Variants in DYTN observed in about 807,000 individuals in gnomAD.
DYTN encodes the protein dystrotelin.
Under a neutral mutation model 69.6 loss-of-function variants are expected in DYTN, and 75 were observed. The ratio of observed to expected loss-of-function variants is 1.08; its 90% CI spans 0.89 to 1.31. The LOEUF is 1.31. DYTN is among the 50% of genes most tolerant of loss of function. The pLI is 0.00. For synonymous variants in DYTN, 252 were observed against 249.1 expected (o/e 1.01, Z -0.11); for missense variants, 726 against 688.4 (o/e 1.05, Z -0.61).
At chr2:206,675,145 G>GTGTGTGTA (rs1415225495) in intron 9 of DYTN, among the ~76,000 whole-genome samples, 1 of 120,444 alleles carries the variant, frequency 8.3e-6, no homozygotes, top group African/African-American at 3.4e-5. Context: ...GTGTGTGTGT[G>GTGTGTGTA]TATATATGTG....
At chr2:206,670,103 C>T (rs1489480650) in intron 9 of DYTN, among the ~76,000 whole-genome samples, 1 of 152,174 alleles carries the variant, frequency 6.6e-6, no homozygotes, top group East Asian at 1.9e-4. Flanking sequence ...TTCCATTCAG[C>T]CTAATAAACC....
chr2:206,716,505 C>T (rs74925633), intron 1 of DYTN, among the ~76,000 whole-genome samples: 9,010 of 152,208 alleles, frequency 0.059, 289 homozygotes, highest in African/African-American at 0.073. Flanking sequence ...CTTTCTTTTT[C>T]AAGAGGTACA....
At chr2:206,682,556 G>A (rs1265740689) in intron 9 of DYTN, among the ~76,000 whole-genome samples, 2 of 151,908 alleles carry the variant, frequency 1.3e-5, no homozygotes, top group Non-Finnish European at 2.9e-5. Flanking sequence ...GTGTCACAGG[G>A]CTCAGTCTTT....
intron 11 of DYTN, among the ~76,000 whole-genome samples, chr2:206,654,100 G>A (rs1471365964): frequency 6.6e-6 from 1 of 152,216 alleles, no homozygotes; most frequent in African/African-American, 2.4e-5. Flanking sequence ...TGAATGATGA[G>A]CCAACTACAC....
chr2:206,663,493 A>T, intron 10 of DYTN, 98 bp from the exon 11 acceptor site: 1 of 1,305,944 alleles, frequency 7.7e-7, no homozygotes, highest in South Asian at 1.8e-5. Context: ...ATTCTAATGC[A>T]AGACTTTTCT....
chr2:206,695,702 T>C (rs950255916), intron 7 of DYTN, among the ~76,000 whole-genome samples: 28 of 152,226 alleles, frequency 1.8e-4, no homozygotes, highest in African/African-American at 6.0e-4. Flanking sequence ...TGTTTGTCTA[T>C]AAAATAACAG....
chr2:206,690,836 G>C (rs1023620356), intron 9 of DYTN, among the ~76,000 whole-genome samples: 1 of 152,182 alleles, frequency 6.6e-6, no homozygotes, highest in African/African-American at 2.4e-5. Flanking sequence ...GGGTGGGATA[G>C]ATCTGGCTTA....
At chr2:206,707,546 G>T in intron 2 of DYTN, 43 bp from the exon 3 acceptor site, 1 of 1,548,416 alleles carries the variant, frequency 6.5e-7, no homozygotes, top group South Asian at 1.2e-5. Flanking sequence ...TTTCTGATGG[G>T]AACAAAAGGC....
intron 9 of DYTN, among the ~76,000 whole-genome samples, chr2:206,677,470 T>C (rs1003545354): frequency 5.3e-5 from 8 of 152,028 alleles, no homozygotes; most frequent in African/African-American, 1.2e-4. Flanking sequence ...GGAACCATGA[T>C]AAAAATTAAA....
At chr2:206,692,237 C>T (rs534280869) in intron 9 of DYTN, among the ~76,000 whole-genome samples, 1 of 150,910 alleles carries the variant, frequency 6.6e-6, no homozygotes, top group South Asian at 2.1e-4. Flanking sequence ...TGCACTCCAA[C>T]CTGGGCGACA....
chr2:206,674,593 A>T (rs569235302), intron 9 of DYTN, among the ~76,000 whole-genome samples: 1 of 152,110 alleles, frequency 6.6e-6, no homozygotes, highest in Non-Finnish European at 1.5e-5. Context: ...AGCCATAAAA[A>T]CTCAAATGCT....
In DYTN at chr2:206,654,626, C is replaced by T. The variant is rs943447182; in HGVS notation, c.1634-2705G>A. Among the ~76,000 whole-genome samples, 8 of 152,044 alleles carry T rather than the reference C, an allele frequency of 5.3e-5. No homozygotes were observed. The South Asian group carries it at 8.3e-4, about 16-fold the overall frequency. ...TTTTGGCAGCATGGAGGGTCAGTGC[C>T]CCTAACTTTTACATTGCTCAAGGGT... On this transcript the variant is annotated intron_variant, in intron 11 of 11. Transcript: ENST00000452335.
chr2:206,664,481 A>AC (rs910315420), intron 10 of DYTN, among the ~76,000 whole-genome samples: 17 of 151,656 alleles, frequency 1.1e-4, no homozygotes, highest in Non-Finnish European at 2.2e-4. Context: ...ACATAGTGAG[A>AC]CCCCCTCCCT....
intron 1 of DYTN, among the ~76,000 whole-genome samples, chr2:206,713,913 G>A (rs1377064596): frequency 6.6e-6 from 1 of 152,242 alleles, no homozygotes; most frequent in Non-Finnish European, 1.5e-5. Flanking sequence ...GCAATGAGGA[G>A]TTAGCAGGGT....
chr2:206,684,556 T>A (rs1217127393), intron 9 of DYTN, among the ~76,000 whole-genome samples: 1 of 152,294 alleles, frequency 6.6e-6, no homozygotes, highest in South Asian at 2.1e-4. Context: ...CCTCCTTCAC[T>A]TTGAGAGGCA....
At chr2:206,682,026 G>C (rs111314967) in intron 9 of DYTN, among the ~76,000 whole-genome samples, 13,065 of 152,046 alleles carry the variant, frequency 0.086, 834 homozygotes, top group East Asian at 0.21. Context: ...TTGGTTGGTA[G>C]GCCATTACTT....
intron 5 of DYTN, among the ~76,000 whole-genome samples, chr2:206,703,003 A>G (rs1350579649): frequency 3.3e-5 from 5 of 152,272 alleles, no homozygotes. Context: ...CTGAGAATCC[A>G]TTTCTGAGTC....
In DYTN at chr2:206,663,053, C is replaced by A; in HGVS notation, c.1483G>T (p.Val495Phe). ...GCAGGACTGCTCATTTCAGCAGGAA[C>A]CATTTTGGGGATGTCCTGCTTCAGT... ...EGLKQDIPKM[V>F]PAEMSSPALA... The change falls in exon 11 of 12, where the codon GTT becomes TTT. Residue 495 changes from valine (V) to phenylalanine (F), a missense_variant. By Grantham distance (50) the Val-to-Phe change is conservative. Transcript: ENST00000452335. The A allele has an allele frequency of 1.2e-6, 2 of 1,613,886 alleles. No homozygotes were observed. The highest frequency in any genetic ancestry group is 1.7e-6 in the Non-Finnish European group (2 of 1,179,890).
At chr2:206,703,450 A>G (rs935420921) in intron 5 of DYTN, among the ~76,000 whole-genome samples, 3 of 152,140 alleles carry the variant, frequency 2.0e-5, no homozygotes, top group Admixed American at 6.5e-5. Flanking sequence ...GGTGGGATCT[A>G]TGTGGCTGCT....
Sources: allele counts gnomAD v4.1 joint callset (sites outside exome capture counted in the v4.1 genomes callset), GRCh38; gene constraint gnomAD v4.1.1; transcripts MANE v1.5; gene names NCBI Gene and HGNC (gene_info 2026-07-23, HGNC 2026-07-21).